ACACB: variants seen among roughly 807,000 people sequenced by gnomAD.
The protein encoded by ACACB is acetyl-CoA carboxylase beta.
In ACACB, 209 loss-of-function variants were observed where a neutral mutation model predicts 278.8. The observed-to-expected ratio is 0.75, with a 90% CI of 0.67 to 0.84. The LOEUF (loss-of-function observed/expected upper bound fraction) is 0.84. Among genes scored for constraint, ACACB ranks in the 40% least tolerant of loss-of-function variants. ACACB has a pLI of 0.00. For missense variants in ACACB, 2,850 were observed against 3,269.0 expected (o/e 0.87, Z 3.13); for synonymous variants, 1,174 against 1,285.6 (o/e 0.91, Z 1.86).
chr12:109,238,471 AAT>A (rs3036244), intron 34 of ACACB, among the ~76,000 whole-genome samples: 68,057 of 141,114 alleles, frequency 0.48, 17,131 homozygotes, highest in East Asian at 0.68. Context: ...TATAATATAT[AAT>A]ATGTTATATA....
At chr12:109,156,464 G>A (rs1030661497) in intron 2 of ACACB, among the ~76,000 whole-genome samples, 1 of 150,858 alleles carries the variant, frequency 6.6e-6, no homozygotes, top group Admixed American at 6.6e-5. Context: ...GGAGATCGAG[G>A]CTGTAGTGAG....
chr12:109,151,072 G>A (rs574663554), intron 2 of ACACB, among the ~76,000 whole-genome samples: 2 of 148,534 alleles, frequency 1.3e-5, no homozygotes, highest in South Asian at 4.2e-4. Context: ...TCTACCGCCC[G>A]GGTCCCGGTT....
intron 2 of ACACB, among the ~76,000 whole-genome samples, chr12:109,141,229 A>T (rs1053393086): frequency 2.6e-5 from 4 of 152,126 alleles, no homozygotes; most frequent in African/African-American, 9.7e-5. Flanking sequence ...CAGGTAACTG[A>T]CAACTGAAAA....
chr12:109,232,438 A>G (rs148946540), intron 28 of ACACB, among the ~76,000 whole-genome samples: 7 of 152,292 alleles, frequency 4.6e-5, no homozygotes, highest in Admixed American at 2.0e-4. Context: ...TGCATGAATC[A>G]TTGATTCCTA....
chr12:109,219,396 G>A (rs191650171), intron 24 of ACACB, among the ~76,000 whole-genome samples: 1 of 152,228 alleles, frequency 6.6e-6, no homozygotes, highest in East Asian at 1.9e-4. Context: ...AATCACCTAG[G>A]GGGTGGGGAG....
rs1593751984 is a variant in ACACB, at chr12:109,266,427, C to T, written c.*65C>T. 1.3e-6 allele frequency: 2 copies of T among 1,483,140 alleles called. No individual in the cohort carries two copies. The highest frequency in any genetic ancestry group is 1.8e-6 in the Non-Finnish European group (2 of 1,120,338). 91.9% of individuals were successfully genotyped at this position (1,483,140 alleles called of 1,614,324 possible). A position where few individuals can be genotyped will look rare whatever the true frequency, so the allele number is the denominator to read the frequency against. ...GAACCACCCAGACCCACCACCCGTACACCCTCAGCAGACCCTGAAGACTTG... is the reference window on the plus strand; with the variant it reads ...GAACCACCCAGACCCACCACCCGTATACCCTCAGCAGACCCTGAAGACTTG... On this transcript the variant is annotated 3_prime_UTR_variant, in exon 53 of 53. Transcript: ENST00000338432.
chr12:109,224,843 C>T (rs1051123784), intron 27 of ACACB, among the ~76,000 whole-genome samples: 9 of 152,134 alleles, frequency 5.9e-5, no homozygotes, highest in Non-Finnish European at 8.8e-5. Context: ...GTTTTTAACA[C>T]GGCCCTCTTA....
intron 1 of ACACB, among the ~76,000 whole-genome samples, chr12:109,120,887 C>T (rs2042532060): frequency 6.6e-6 from 1 of 152,180 alleles, no homozygotes; most frequent in Admixed American, 6.5e-5. Context: ...ATAACACACA[C>T]AAAGTGCACA....
intron 28 of ACACB, among the ~76,000 whole-genome samples, chr12:109,230,476 G>A (rs2046436609): frequency 6.6e-6 from 1 of 150,556 alleles, no homozygotes; most frequent in Non-Finnish European, 1.5e-5. Context: ...AGGCTAGAGT[G>A]CAGTGGTGTG....
intron 2 of ACACB, among the ~76,000 whole-genome samples, chr12:109,159,957 G>T (rs1176616228): frequency 6.6e-6 from 1 of 151,930 alleles, no homozygotes; most frequent in African/African-American, 2.4e-5. Context: ...AGGCATGGTG[G>T]CAGGCACCTA....
intron 27 of ACACB, among the ~76,000 whole-genome samples, chr12:109,225,563 C>A (rs1365987156): frequency 1.3e-5 from 2 of 152,210 alleles, no homozygotes; most frequent in Non-Finnish European, 2.9e-5. Context: ...TGGGAACCTT[C>A]CCCAAATTCA....
rs1486508339 is a variant in ACACB at position 109,262,351 on chromosome 12, T to C, written c.6675-6T>C. 1 of 1,605,032 alleles carries C rather than the reference T, an allele frequency of 6.2e-7. No individual in the cohort carries two copies. The highest frequency in any genetic ancestry group is 8.5e-7 in the Non-Finnish European group (1 of 1,173,348). The stretch of plus-strand genomic sequence containing the variant: ...ATACCCCCATCCCTGCCTCTTCTCT[T>C]TTAAGGGGTGGTGTTCTGGAACCAG... On this transcript the variant is annotated splice_polypyrimidine_tract_variant and splice_region_variant and intron_variant, in intron 48 of 52. Coordinates refer to ENST00000338432, the MANE Select transcript of ACACB (RefSeq NM_001093.4).
Position 109,140,073 on chromosome 12 carries a change from C to A in ACACB, c.653+15C>A. On this transcript the variant is annotated intron_variant, in intron 2 of 52. Transcript: ENST00000338432. ...CCCACTATGAGGTAATGTGCATTTT[C>A]TCCTTGTAACTGAGGAGTGCAGAGT... 1 of 1,562,024 alleles carries A rather than the reference C, an allele frequency of 6.4e-7. No homozygotes were observed. Among genetic ancestry groups the A allele is most frequent in the Non-Finnish European group, 8.6e-7 (1 of 1,160,114 alleles).
chr12:109,191,642 C>T lies in ACACB; in HGVS notation c.2174C>T (p.Ser725Phe), dbSNP rs1410441808. ...ATGGTGGTGGCTTTGAAGGAACTGTCCATCCGAGGCGACTTTAGGACTACC... is the reference window on the plus strand; with the variant it reads ...ATGGTGGTGGCTTTGAAGGAACTGTTCATCCGAGGCGACTTTAGGACTACC... ...SNMVVALKEL[S>F]IRGDFRTTVE... The change falls in exon 14 of 53, where the codon TCC becomes TTC. Residue 725 changes from serine to phenylalanine, a missense_variant. Physicochemically the swap from Ser to Phe is radical, Grantham distance 155. Around this residue, in one of 3 missense-constraint regions of ACACB, gnomAD observed 2,265 missense variants for 2,561.3 expected, o/e 0.88. Coordinates refer to ENST00000338432, the MANE Select transcript of ACACB (RefSeq NM_001093.4). 1.9e-6 allele frequency: 3 copies of T among 1,614,036 alleles called. No homozygotes were observed. In the African/African-American group the frequency reaches 4.0e-5, roughly 22 times the overall value.
chr12:109,183,560 T>C (rs1191632543), intron 11 of ACACB, among the ~76,000 whole-genome samples: 1 of 152,186 alleles, frequency 6.6e-6, no homozygotes, highest in African/African-American at 2.4e-5. Flanking sequence ...ATGGAATTAC[T>C]TTCTTGATTT....
At chr12:109,167,850 G>T (rs374378849) in intron 3 of ACACB, 46 bp from the exon 4 acceptor site, 1 of 1,612,802 alleles carries the variant, frequency 6.2e-7, no homozygotes, top group Non-Finnish European at 8.5e-7. Flanking sequence ...GGCCCCCAGC[G>T]CAGGTAGATG....
At chr12:109,218,863 G>C (rs1466122003) in intron 24 of ACACB, among the ~76,000 whole-genome samples, 1 of 151,598 alleles carries the variant, frequency 6.6e-6, no homozygotes, top group Non-Finnish European at 1.5e-5. Flanking sequence ...CCACCTCCAG[G>C]GTTCAAGCAA....
intron 14 of ACACB, 30 bp downstream of exon 14, chr12:109,191,793 CT>C: frequency 6.2e-7 from 1 of 1,614,130 alleles, no homozygotes. Flanking sequence ...TGTCTCCCCT[CT>C]GGATGGCCGA....
intron 1 of ACACB, chr12:109,125,492 A>G (rs1260365863): frequency 6.6e-6 from 1 of 152,242 alleles, no homozygotes; most frequent in Non-Finnish European, 1.5e-5. Flanking sequence ...TTCTCTGTGC[A>G]TGATGAACTG....
Sources: allele counts gnomAD v4.1 joint callset (sites outside exome capture counted in the v4.1 genomes callset), GRCh38; gene constraint gnomAD v4.1.1; regional missense constraint gnomAD v4.1.1; transcripts MANE v1.5; gene names NCBI Gene and HGNC (gene_info 2026-07-23, HGNC 2026-07-21).